The following THRB variants were observed in gnomAD, a reference collection of about 807,000 sequenced individuals.
THRB encodes the protein nuclear receptor subfamily 1 group A member 2.
THRB carries 12 observed loss-of-function variants against 47.8 expected under a neutral mutation model. That is an observed-to-expected ratio of 0.25 (90% CI 0.16 to 0.41). THRB has a LOEUF of 0.41. Ranked by LOEUF, THRB falls within the 10% of genes least tolerant of loss-of-function variation. THRB has a pLI of 1.00. For synonymous variants in THRB, 218 were observed against 212.2 expected (o/e 1.03, Z -0.24); for missense variants, 348 against 589.2 (o/e 0.59, Z 4.24).
chr3:24,231,442 T>C (rs919647717), intron 3 of THRB, among the ~76,000 whole-genome samples: 1 of 152,072 alleles, frequency 6.6e-6, no homozygotes, highest in Non-Finnish European at 1.5e-5. Flanking sequence ...ACCACAAAAT[T>C]TGGTACCAAT....
At chr3:24,372,170 G>A (rs533605673) in intron 1 of THRB, among the ~76,000 whole-genome samples, 1 of 152,180 alleles carries the variant, frequency 6.6e-6, no homozygotes, top group African/African-American at 2.4e-5. Context: ...AGTACTGGGT[G>A]TATAATTCAA....
At chr3:24,287,699 T>TA (rs34988826) in intron 3 of THRB, among the ~76,000 whole-genome samples, 3,385 of 152,280 alleles carry the variant, frequency 0.022, 133 homozygotes, top group African/African-American at 0.077. Flanking sequence ...TGATGGCCTT[T>TA]AAAATGTTTT....
intron 2 of THRB, among the ~76,000 whole-genome samples, chr3:24,330,317 T>TAAA (rs200628084): frequency 6.9e-6 from 1 of 145,972 alleles, no homozygotes; most frequent in Non-Finnish European, 1.5e-5. Flanking sequence ...CCGTCTCAAA[T>TAAA]AAAAAAAAAA....
At position 24,258,182 on chromosome 3, in the gene THRB, T is replaced by C. The variant is rs1044084876; in HGVS notation, c.-42-29181A>G. Among the ~76,000 whole-genome samples the C allele has an allele frequency of 7.2e-5, 11 of 151,886 alleles. No individual in the cohort carries two copies. In the East Asian group the frequency reaches 1.4e-3, roughly 19 times the overall value. On this transcript the variant is annotated intron_variant, in intron 3 of 10. Transcript: ENST00000646209. Reference sequence around the variant, plus strand: ...ACAGAGGCTGGGGCCTCGGACTCATTTGGGGGAAGATGGAAAAGTTAAAAA... The same window carrying C: ...ACAGAGGCTGGGGCCTCGGACTCATCTGGGGGAAGATGGAAAAGTTAAAAA...
chr3:24,190,218 T>A lies in THRB; in HGVS notation c.139A>T (p.Ser47Cys). 2 of 1,614,138 alleles carry A rather than the reference T, an allele frequency of 1.2e-6. No individual in the cohort carries two copies. Among genetic ancestry groups the A allele is most frequent in the Middle Eastern group, 1.6e-4 (1 of 6,062 alleles). The stretch of plus-strand genomic sequence containing the variant: ...GACGACTGTTCATTTTTCAACGTGC[T>A]GCGCCTCTCTGAATGGCTCTTCCTA... Reference protein sequence around the residue: ...LHRKSHSERRSTLKNEQSSPH... With the variant: ...LHRKSHSERRCTLKNEQSSPH... Residue 47 changes from serine to cysteine, a missense_variant, in exon 5 of 11, where the codon AGC becomes TGC. By Grantham distance (112) the Ser-to-Cys change is moderately radical. Around this residue, in one of 5 missense-constraint regions of THRB, gnomAD observed 148 missense variants for 122.3 expected, o/e 1.21. Transcript: ENST00000646209.
chr3:24,476,548 C>T (rs893157731), intron 1 of THRB, among the ~76,000 whole-genome samples: 3 of 151,942 alleles, frequency 2.0e-5, no homozygotes, highest in African/African-American at 7.3e-5. Flanking sequence ...ATTAAAATTC[C>T]AAAAAATTAG....
At chr3:24,212,591 A>AAG (rs1393991826) in intron 4 of THRB, among the ~76,000 whole-genome samples, 1 of 151,394 alleles carries the variant, frequency 6.6e-6, no homozygotes, top group Non-Finnish European at 1.5e-5. Flanking sequence ...AAAAAAAAAA[A>AAG]AAAAAAAGAA....
intron 3 of THRB, among the ~76,000 whole-genome samples, chr3:24,229,846 A>G (rs954667071): frequency 2.0e-5 from 3 of 152,212 alleles, no homozygotes; most frequent in Non-Finnish European, 4.4e-5. Flanking sequence ...GCTTAGGAAT[A>G]GCACTGAAGC....
intron 1 of THRB, among the ~76,000 whole-genome samples, chr3:24,371,883 A>C (rs2064943241): frequency 6.6e-6 from 1 of 152,168 alleles, no homozygotes; most frequent in African/African-American, 2.4e-5. Context: ...GATTCTTCAA[A>C]AGTATATACA....
intron 5 of THRB, among the ~76,000 whole-genome samples, chr3:24,179,794 G>A (rs1299784993): frequency 1.3e-5 from 2 of 152,126 alleles, no homozygotes; most frequent in African/African-American, 4.8e-5. Flanking sequence ...TTTTTTAGTA[G>A]TGATCACCAG....
At chr3:24,129,862 G>C (rs773022242) in intron 9 of THRB, among the ~76,000 whole-genome samples, 2 of 152,210 alleles carry the variant, frequency 1.3e-5, no homozygotes, top group Non-Finnish European at 2.9e-5. Flanking sequence ...GATGATTTTA[G>C]ATCTTGTGAA....
chr3:24,343,339 A>T (rs894203456), intron 1 of THRB, among the ~76,000 whole-genome samples: 3 of 152,194 alleles, frequency 2.0e-5, no homozygotes, highest in Non-Finnish European at 4.4e-5. Context: ...GAAAGCTTCT[A>T]TCATAATTTC....
intron 1 of THRB, among the ~76,000 whole-genome samples, chr3:24,343,012 T>C (rs534107403): frequency 9.2e-5 from 14 of 152,254 alleles, no homozygotes; most frequent in African/African-American, 3.1e-4. Context: ...TCCAAGCAGA[T>C]TGGACTTTTG....
intron 1 of THRB, among the ~76,000 whole-genome samples, chr3:24,444,116 G>C (rs1416295812): frequency 6.6e-6 from 1 of 152,058 alleles, no homozygotes; most frequent in East Asian, 1.9e-4. Flanking sequence ...ATAAATAGCT[G>C]TTAAAATCAG....
intron 3 of THRB, among the ~76,000 whole-genome samples, chr3:24,268,082 C>T (rs2052848665): frequency 6.6e-6 from 1 of 152,080 alleles, no homozygotes; most frequent in African/African-American, 2.4e-5. Context: ...GACAATGAGA[C>T]AAATATCTAC....
intron 2 of THRB, among the ~76,000 whole-genome samples, chr3:24,316,635 C>A (rs770571718): frequency 1.7e-4 from 26 of 152,118 alleles, no homozygotes; most frequent in Admixed American, 1.0e-3. Context: ...CCAGATCTCT[C>A]CAGAGGGTGG....
chr3:24,332,201 A>G (rs1161701249), intron 2 of THRB, among the ~76,000 whole-genome samples: 1 of 152,030 alleles, frequency 6.6e-6, no homozygotes, highest in Non-Finnish European at 1.5e-5. Context: ...CCCCTCCCCC[A>G]TTGTTGCTGT....
chr3:24,406,074 A>G (rs2067801297), intron 1 of THRB, among the ~76,000 whole-genome samples: 1 of 151,704 alleles, frequency 6.6e-6, no homozygotes, highest in South Asian at 2.1e-4. Flanking sequence ...AATGCTTGAC[A>G]GTTTTAATAG....
intron 3 of THRB, among the ~76,000 whole-genome samples, chr3:24,266,405 A>G (rs977852694): frequency 1.2e-4 from 18 of 152,180 alleles, no homozygotes; most frequent in African/African-American, 3.6e-4. Flanking sequence ...GCCGAATCCA[A>G]AGAATCTCTA....
Sources: gnomAD v4.1 joint callset for allele counts (sites outside exome capture counted in the v4.1 genomes callset) on GRCh38, gnomAD v4.1.1 for gene constraint, gnomAD v4.1.1 regional missense constraint, MANE v1.5 for transcripts, NCBI Gene and HGNC (gene_info 2026-07-23, HGNC 2026-07-21) for gene names.